Variants in FUT8 observed in about 807,000 individuals in gnomAD.
FUT8 encodes the protein fucosyltransferase 8, also known as alpha-(1,6)-fucosyltransferase.
A neutral mutation model predicts 71.3 loss-of-function variants in FUT8; 29 were observed. The observed-to-expected ratio is 0.41, with a 90% CI of 0.30 to 0.55. The LOEUF (loss-of-function observed/expected upper bound fraction) is 0.55, where lower values mean the gene tolerates loss of function less well. FUT8 is among the 20% of genes least tolerant of loss of function. FUT8 has a pLI of 0.34. For synonymous variants in FUT8, 254 were observed against 239.3 expected, an observed-to-expected ratio of 1.06 and a Z score of -0.57; for missense variants, 544 against 702.1, an observed-to-expected ratio of 0.77 and a Z score of 2.55.
chr14:65,715,847 A>G (rs943188542), intron 7 of FUT8, among the ~76,000 whole-genome samples: 7 of 152,086 alleles, frequency 4.6e-5, no homozygotes, highest in Non-Finnish European at 7.4e-5. Context: ...ACAGTGGCAC[A>G]TACCTTGTGG....
rs1398252254 is a variant in FUT8 at position 65,445,155 on chromosome 14, G to A, written c.-325-10466G>A. Among the ~76,000 whole-genome samples the A allele has an allele frequency of 5.9e-5, 9 of 152,250 alleles. No homozygotes were observed. The South Asian group carries it at 1.2e-3, about 21-fold the overall frequency. On this transcript the variant is annotated intron_variant, in intron 1 of 10. Coordinates refer to ENST00000673929, the MANE Select transcript of FUT8 (RefSeq NM_001371533.1). ...TGCGAGGCAGAGGATGCAGTGAGCC[G>A]AGATCACGCCACTGCACTACAGCCT...
intron 2 of FUT8, among the ~76,000 whole-genome samples, chr14:65,541,742 A>G (rs1311351308): frequency 6.6e-6 from 1 of 152,226 alleles, no homozygotes; most frequent in Non-Finnish European, 1.5e-5. Flanking sequence ...TGATCTGGGT[A>G]TCCCTTAACC....
chr14:65,457,857 C>G (rs987111236), intron 2 of FUT8: 1 of 152,250 alleles, frequency 6.6e-6, no homozygotes, highest in Non-Finnish European at 1.5e-5. Context: ...GGCTGCCTGT[C>G]TTTGATTTCA....
At chr14:65,382,368 G>A in the FUT8 span, among the ~76,000 whole-genome samples, 4 of 152,028 alleles carry the variant, frequency 2.6e-5, no homozygotes, top group Admixed American at 1.3e-4. Flanking sequence ...ACAGAGTCTC[G>A]CTCTATCACC....
chr14:65,609,006 T>C (rs1020623603), intron 3 of FUT8, among the ~76,000 whole-genome samples: 3 of 151,850 alleles, frequency 2.0e-5, no homozygotes, highest in African/African-American at 7.2e-5. Flanking sequence ...TTTAAAAATA[T>C]TTTCTTGGCC....
At chr14:65,531,109 A>T (rs192114836) in intron 2 of FUT8, among the ~76,000 whole-genome samples, 1 of 151,774 alleles carries the variant, frequency 6.6e-6, no homozygotes, top group East Asian at 2.0e-4. Flanking sequence ...TGTAAGCAGA[A>T]TGCTAATGTA....
rs141569081 is a variant in FUT8, at chr14:65,535,657, A to G, written c.-227-25680A>G. Among the ~76,000 whole-genome samples, 432 of 152,216 alleles carry G rather than the reference A, an allele frequency of 2.8e-3. 2 individuals carry two copies. The highest frequency in any genetic ancestry group is 9.9e-3 in the African/African-American group (411 of 41,544). On this transcript the variant is annotated intron_variant, in intron 2 of 10. Transcript: ENST00000673929. ...GTGTTCCGAGAGAGTAGTTGGTATG[A>G]TTTCCGCTCTTTTGCATTTGCTGAG...
At chr14:65,612,343 G>A (rs908123724) in intron 3 of FUT8, among the ~76,000 whole-genome samples, 3 of 152,132 alleles carry the variant, frequency 2.0e-5, no homozygotes, top group African/African-American at 7.2e-5. Flanking sequence ...TGCTATTGAG[G>A]CCAAATCCTT....
chr14:65,445,758 G>T (rs537101397), intron 1 of FUT8, among the ~76,000 whole-genome samples: 1 of 152,226 alleles, frequency 6.6e-6, no homozygotes, highest in South Asian at 2.1e-4. Context: ...TCAAGGATTT[G>T]TATGAAAAGT....
rs1237514066 is a variant in FUT8 at position 65,622,970 on chromosome 14, T to G, written c.483-6522T>G. The stretch of plus-strand genomic sequence containing the variant: ...TGTCACCCAGGCTGGAGCACAGTGG[T>G]GCAAAAACGACCTGGGCTAAAGTGA... On this transcript the variant is annotated intron_variant, in intron 5 of 10. Coordinates refer to ENST00000673929, the MANE Select transcript of FUT8 (RefSeq NM_001371533.1). Among the ~76,000 whole-genome samples, 4 of 144,608 alleles carry G rather than the reference T, an allele frequency of 2.8e-5. No homozygotes were observed. The East Asian group carries it at 8.3e-4, about 30-fold the overall frequency. 94.9% of individuals were successfully genotyped at this position (144,608 alleles called of 152,430 possible). A position where few individuals can be genotyped will look rare whatever the true frequency, so the allele number is the denominator to read the frequency against.
chr14:65,404,827 T>A, the FUT8 span, among the ~76,000 whole-genome samples: 1 of 152,238 alleles, frequency 6.6e-6, no homozygotes, highest in Non-Finnish European at 1.5e-5. Flanking sequence ...TCAATATAGT[T>A]TATTAAATTG....
At chr14:65,650,719 AAAAAAAAAAAC>A (rs1304228811) in intron 6 of FUT8, among the ~76,000 whole-genome samples, 39 of 150,574 alleles carry the variant, frequency 2.6e-4, no homozygotes, top group African/African-American at 8.8e-4. Flanking sequence ...AAAAAAAAAA[AAAAAAAAAAAC>A]AAAAAAAACC....
At position 65,677,186 on chromosome 14, in the gene FUT8, G is replaced by A. The variant is rs570319251; in HGVS notation, c.835+7706G>A. On this transcript the variant is annotated intron_variant, in intron 7 of 10. Coordinates refer to ENST00000673929, the MANE Select transcript of FUT8 (RefSeq NM_001371533.1). Reference sequence around the variant, plus strand: ...CATGCGCGCGCACGTATGTGTGTGCGCATGTGTGTTTTTAAGTAATAGACT... The same window carrying A: ...CATGCGCGCGCACGTATGTGTGTGCACATGTGTGTTTTTAAGTAATAGACT... Among the ~76,000 whole-genome samples, 77 of 145,336 alleles carry A rather than the reference G, an allele frequency of 5.3e-4. No individual in the cohort carries two copies. In the East Asian group the frequency reaches 8.7e-3, roughly 16 times the overall value.
intron 7 of FUT8, among the ~76,000 whole-genome samples, chr14:65,696,412 G>A (rs2140462495): frequency 6.6e-6 from 1 of 152,260 alleles, no homozygotes; most frequent in South Asian, 2.1e-4. Flanking sequence ...GATTCCTGAA[G>A]AGAAGGCACA....
At chr14:65,656,786 A>G (rs1891702933) in intron 6 of FUT8, among the ~76,000 whole-genome samples, 1 of 152,176 alleles carries the variant, frequency 6.6e-6, no homozygotes. Flanking sequence ...AGTAACCAAA[A>G]CAGCATGGTA....
At chr14:65,626,023 C>T (rs1311041397) in intron 5 of FUT8, among the ~76,000 whole-genome samples, 1 of 152,088 alleles carries the variant, frequency 6.6e-6, no homozygotes, top group African/African-American at 2.4e-5. Flanking sequence ...TAAGTGATTC[C>T]TTCTCATTGA....
At chr14:65,357,582 G>A in the FUT8 span, among the ~76,000 whole-genome samples, 1 of 152,192 alleles carries the variant, frequency 6.6e-6, no homozygotes, top group Non-Finnish European at 1.5e-5. Flanking sequence ...GCTTGCCTCA[G>A]TATCTAAAAT....
intron 3 of FUT8, among the ~76,000 whole-genome samples, chr14:65,581,074 G>C (rs144980066): frequency 6.6e-6 from 1 of 152,048 alleles, no homozygotes; most frequent in Non-Finnish European, 1.5e-5. Context: ...AGGAAATAAA[G>C]CTTACTGAAC....
intron 2 of FUT8, among the ~76,000 whole-genome samples, chr14:65,535,321 G>A (rs1043680943): frequency 1.5e-4 from 23 of 151,846 alleles, no homozygotes; most frequent in African/African-American, 2.4e-5. Flanking sequence ...GTCTGATCTC[G>A]AACTCCTGGC....
Sources: gnomAD v4.1 joint callset for allele counts (sites outside exome capture counted in the v4.1 genomes callset) on GRCh38, gnomAD v4.1.1 for gene constraint, MANE v1.5 for transcripts, NCBI Gene and HGNC (gene_info 2026-07-23, HGNC 2026-07-21) for gene names.